The following SLC26A6 variants were observed in gnomAD, a reference collection of about 807,000 sequenced individuals.
The protein encoded by SLC26A6 is anion exchange transporter.
A neutral mutation model predicts 87.1 loss-of-function variants in SLC26A6; 67 were observed. The ratio of observed to expected loss-of-function variants is 0.77; its 90% confidence interval spans 0.63 to 0.94. SLC26A6 has a LOEUF of 0.94. Among genes scored for constraint, SLC26A6 ranks in the 40% least tolerant of loss-of-function variants. The pLI is 0.00. For missense variants in SLC26A6, 902 were observed against 973.0 expected, an observed-to-expected ratio of 0.93 and a Z score of 0.97; for synonymous variants, 414 against 405.9, an observed-to-expected ratio of 1.02 and a Z score of -0.24.
intron 14 of SLC26A6, 69 bp downstream of exon 14, chr3:48,629,573 G>A (rs887890253): frequency 6.7e-6 from 10 of 1,486,606 alleles, no homozygotes; most frequent in African/African-American, 2.8e-5. Flanking sequence ...AGTGTGGAAC[G>A]AATCCACAAA....
rs1391857535 is a variant in SLC26A6, at chr3:48,628,096, G to A, written c.1801-58C>T. The A allele has an allele frequency of 6.8e-7, 1 of 1,468,946 alleles. No individual in the cohort carries two copies. The highest frequency in any genetic ancestry group is 1.4e-5 in the African/African-American group (1 of 70,712). 91.0% of individuals were successfully genotyped at this position (1,468,946 alleles called of 1,614,324 possible). ...CTAGCCCGGCTGCCATGACAGCCATGTCACATAGGCCTGGTGATGCCCCCT... is the reference window on the plus strand; with the variant it reads ...CTAGCCCGGCTGCCATGACAGCCATATCACATAGGCCTGGTGATGCCCCCT... On this transcript the variant is annotated intron_variant, in intron 16 of 20. Coordinates refer to ENST00000395550, the MANE Select transcript of SLC26A6 (RefSeq NM_022911.3). The surrounding 1 kb of genome is among the most constrained non-coding windows in gnomAD (Gnocchi z 4.4).
rs760353044 is a variant in SLC26A6 at position 48,631,086 on chromosome 3, G to A, written c.1041C>T (p.Ser347=). The change falls in exon 9 of 21, where the codon AGC becomes AGT. Residue 347 remains serine, a synonymous_variant. Transcript: ENST00000395550. ...ACCCAACCACAGCGATGGTGAAGGC[G>A]CTGCCCACGAGCTTTGAGAACAGCT... ...NTQLFSKLVG[S]AFTIAVVGFA... is the part of the protein sequence containing the mutation. The A allele has an allele frequency of 6.6e-5, 107 of 1,613,628 alleles. No individual in the cohort carries two copies. The South Asian group carries it at 7.4e-4, about 11-fold the overall frequency.
In SLC26A6 at chr3:48,626,669, C is replaced by T. The variant is rs774307400; in HGVS notation, c.2090G>A (p.Arg697Gln). 9 of 1,614,004 alleles carry T rather than the reference C, an allele frequency of 5.6e-6. No homozygotes were observed. The highest frequency in any genetic ancestry group is 2.7e-5 in the African/African-American group (2 of 74,898). ...KSLKNIFHDF[R>Q]EIEVEVYMAA... ...CATGTACACCTCCACCTCAATCTCC[C>T]GGAAGTCATGGAAAATCTGTAGCGG... Residue 697 changes from arginine (R) to glutamine (Q), a missense_variant, in exon 19 of 21, where the codon CGG becomes CAG. This residue lies in a region of SLC26A6 where 99 missense variants were observed against 100.1 expected (regional missense o/e 0.99). Transcript: ENST00000395550.
intron 1 of SLC26A6, among the ~76,000 whole-genome samples, chr3:48,634,893 A>G (rs1575533633): frequency 6.6e-6 from 1 of 152,168 alleles, no homozygotes; most frequent in Non-Finnish European, 1.5e-5. Flanking sequence ...CCCTCCCCCG[A>G]CAACTTGGGA....
chr3:48,628,512 G>C lies in SLC26A6; in HGVS notation c.1722C>G (p.Ser574=). The change falls in exon 16 of 21, where the codon TCC becomes TCG. Residue 574 remains serine, a synonymous_variant. Transcript: ENST00000395550. The surrounding 1 kb of genome is among the most constrained non-coding windows in gnomAD (Gnocchi z 4.4). The part of the protein sequence containing the change: ...RCGVDVDFLI[S]QKKKLLKKQE... ...GCTTCTTGAGCAGTTTCTTCTTCTG[G>C]GAGATGAGGAAGTCGACATCCACAC... 6.2e-7 allele frequency: 1 copy of C among 1,614,052 alleles called. No homozygotes were observed. Among genetic ancestry groups the C allele is most frequent in the Non-Finnish European group, 8.5e-7 (1 of 1,179,976 alleles).
chr3:48,633,850 G>T, intron 1 of SLC26A6: 4 of 1,425,856 alleles, frequency 2.8e-6, no homozygotes, highest in Non-Finnish European at 2.7e-6. Flanking sequence ...CCTCTTTCTA[G>T]GACAAAGTCC....
At chr3:48,633,759 T>C in intron 1 of SLC26A6, 124 bp from the exon 2 acceptor site, 1 of 1,502,866 alleles carries the variant, frequency 6.7e-7, no homozygotes, top group Non-Finnish European at 8.8e-7. Flanking sequence ...AGGTACAGTA[T>C]TCCAGCCCCC....
At position 48,633,548 on chromosome 3, in the gene SLC26A6, G is replaced by A. The variant is rs761760284; in HGVS notation, c.111C>T (p.Asn37=). 1.2e-6 allele frequency: 2 copies of A among 1,613,524 alleles called. No homozygotes were observed. Among genetic ancestry groups the A allele is most frequent in the Non-Finnish European group, 1.7e-6 (2 of 1,180,010 alleles). The change falls in exon 2 of 21, where the codon AAC becomes AAT. Residue 37 remains asparagine (N), a synonymous_variant. Transcript: ENST00000395550. ...GCCCCAGCTCCTCCAAATGCTCCTG[G>A]TTCAGCAGCGGCCGTTCCATGTGGT... ...RDYHMERPLL[N]QEHLEELGRW... is the part of the protein sequence containing the mutation.
At chr3:48,632,741 C>A in intron 4 of SLC26A6, 1 of 674,042 alleles carries the variant, frequency 1.5e-6, no homozygotes. Context: ...GCCCCTTGGG[C>A]TGCCTCACCC....
intron 4 of SLC26A6, 147 bp downstream of exon 4, chr3:48,632,827 T>G (rs551950373): frequency 1.7e-5 from 14 of 803,268 alleles, no homozygotes; most frequent in African/African-American, 1.5e-4. Context: ...TAGTCCTGCC[T>G]GGGGATGACT....
At position 48,631,023 on chromosome 3, in the gene SLC26A6, C is replaced by T. The variant is rs765542172; in HGVS notation, c.1104G>A (p.Leu368=). The T allele has an allele frequency of 1.6e-5, 26 of 1,613,734 alleles. No homozygotes were observed. Among genetic ancestry groups the T allele is most frequent in the Non-Finnish European group, 2.2e-5 (26 of 1,180,020 alleles). ...TGCTGTCCACCCGGTAGCCGTGCCT[C>T]AGGGCGAAGATCTTCCCCAGTGAGA... ...IAISLGKIFA[L]RHGYRVDSNQ... Residue 368 remains leucine (L), a synonymous_variant, in exon 9 of 21, where the codon CTG becomes CTA. Coordinates refer to ENST00000395550, the MANE Select transcript of SLC26A6 (RefSeq NM_022911.3).
At position 48,633,602 on chromosome 3, in the gene SLC26A6, T is replaced by C. The variant is rs2046875195; in HGVS notation, c.57A>G (p.Thr19=). Residue 19 remains threonine, a synonymous_variant, in exon 2 of 21, where the codon ACA becomes ACG. Transcript: ENST00000395550. ...CTCGCCTCCGCAGGTCCATTGCTTG[T>C]GTTGCAGACAGCAGTGCCTGTGTGT... ...PRDTQALLSA[T]QAMDLRRRDY... is the part of the protein sequence containing the mutation. 1 of 1,613,454 alleles carries C rather than the reference T, an allele frequency of 6.2e-7. No individual in the cohort carries two copies.
Position 48,632,040 on chromosome 3 carries a change from C to G in SLC26A6, c.590G>C (p.Gly197Ala), listed in dbSNP as rs200560808. The G allele has an allele frequency of 7.4e-6, 12 of 1,613,214 alleles. No individual in the cohort carries two copies. The highest frequency in any genetic ancestry group is 1.0e-5 in the Non-Finnish European group (12 of 1,179,936). ...LSVLVGLFQV[G>A]LGLIHFGFVV... ...GAAGCCGAAGTGGATCAGGCCCAGC[C>G]CCACCTGTGGGGCGGCCAGGGGCAG... Residue 197 changes from glycine (G) to alanine (A), a missense_variant, in exon 6 of 21, where the codon GGG becomes GCG. By Grantham distance (60) the Gly-to-Ala change is moderately conservative. This residue lies in a region of SLC26A6 where 800 missense variants were observed against 856.8 expected (regional missense o/e 0.93). Coordinates refer to ENST00000395550, the MANE Select transcript of SLC26A6 (RefSeq NM_022911.3).
Position 48,633,281 on chromosome 3 carries a change from G to A in SLC26A6, c.292C>T (p.Leu98=). The stretch of plus-strand genomic sequence containing the variant: ...GGAAGCTGCATGATGGCCACACTCA[G>A]GCCGGATAACAGGTCACCCAGGAGC... ...DWLLGDLLSG[L]SVAIMQLPQG... is the part of the protein sequence containing the mutation. Residue 98 remains leucine, a synonymous_variant, in exon 3 of 21, where the codon CTG becomes TTG. Coordinates refer to ENST00000395550, the MANE Select transcript of SLC26A6 (RefSeq NM_022911.3). 1 of 1,613,428 alleles carries A rather than the reference G, an allele frequency of 6.2e-7. No homozygotes were observed. Among genetic ancestry groups the A allele is most frequent in the Non-Finnish European group, 8.5e-7 (1 of 1,179,980 alleles).
chr3:48,632,098 G>A, intron 5 of SLC26A6, 54 bp from the exon 6 acceptor site: 1 of 1,606,404 alleles, frequency 6.2e-7, no homozygotes, highest in East Asian at 2.2e-5. Context: ...GGTTGCTAAT[G>A]AGGAGCGCAG....
chr3:48,630,408 G>T (rs1452764267), intron 11 of SLC26A6, 30 bp downstream of exon 11: 2 of 1,550,652 alleles, frequency 1.3e-6, no homozygotes, highest in South Asian at 1.2e-5. Context: ...GCCTGGCCAA[G>T]ACCTGAAACC....
At chr3:48,630,017 C>T in intron 12 of SLC26A6, 39 bp from the exon 13 acceptor site, 1 of 1,613,856 alleles carries the variant, frequency 6.2e-7, no homozygotes, top group South Asian at 1.1e-5. Flanking sequence ...CGGCGAGGAG[C>T]CATGGGGCTG....
Position 48,628,301 on chromosome 3 carries a change from G to A in SLC26A6, c.1800+133C>T, listed in dbSNP as rs781037265. 5.6e-6 allele frequency: 7 copies of A among 1,242,654 alleles called. No homozygotes were observed. The highest frequency in any genetic ancestry group is 7.9e-6 in the Non-Finnish European group (7 of 883,976). The allele number at this position is 1,242,654 out of a possible 1,614,324, so 77.0% of individuals were successfully genotyped here. A position where few individuals can be genotyped will look rare whatever the true frequency, so the allele number is the denominator to read the frequency against. On this transcript the variant is annotated intron_variant, in intron 16 of 20. Transcript: ENST00000395550. This position sits in a 1 kb window ranked among gnomAD's most constrained non-coding sequence, Gnocchi z 4.4. ...GGACCTGCTAGGGGAGTGAAGCAGG[G>A]TCCCTGGGAGCATGAGGGAGAAAGG... is the stretch of plus-strand genomic sequence containing the variant.
At chr3:48,627,248 A>G (rs2046651146) in intron 17 of SLC26A6, 193 bp from the exon 18 acceptor site, 1 of 657,000 alleles carries the variant, frequency 1.5e-6, no homozygotes, top group Non-Finnish European at 2.6e-6. Flanking sequence ...AGGAGGGCAC[A>G]CCCAGATGTG....
Sources: gnomAD v4.1 joint callset for allele counts (sites outside exome capture counted in the v4.1 genomes callset) on GRCh38, gnomAD v4.1.1 for gene constraint, gnomAD v4.1.1 regional missense constraint, Gnocchi (gnomAD v3.1) non-coding constraint, MANE v1.5 for transcripts, NCBI Gene and HGNC (gene_info 2026-07-23, HGNC 2026-07-21) for gene names.